The following KCNAB1 variants were observed in gnomAD, a reference collection of about 807,000 sequenced individuals.
KCNAB1 encodes the protein voltage-gated potassium channel subunit beta-1.
A neutral mutation model predicts 64.6 loss-of-function variants in KCNAB1; 35 were observed. The ratio of observed to expected loss-of-function variants is 0.54; its 90% CI spans 0.41 to 0.72. KCNAB1 has a LOEUF of 0.72. Ranked by LOEUF, KCNAB1 falls within the 30% of genes least tolerant of loss-of-function variation. KCNAB1 has a pLI of 0.00. For missense variants in KCNAB1, 401 were observed against 512.9 expected (o/e 0.78, Z 2.11); for synonymous variants, 177 against 183.8 (o/e 0.96, Z 0.30).
intron 1 of KCNAB1, among the ~76,000 whole-genome samples, chr3:156,172,316 G>A (rs986508047): frequency 7.8e-6 from 1 of 128,488 alleles, no homozygotes; most frequent in African/African-American, 2.9e-5. Context: ...GTCTTGCTTT[G>A]TTGCCCAGGC....
Position 156,448,880 on chromosome 3 carries a change from C to A in KCNAB1, c.320-4019C>A, listed in dbSNP as rs183180373. On this transcript the variant is annotated intron_variant, in intron 2 of 13. Transcript: ENST00000490337. Reference sequence around the variant, plus strand: ...ATTCAATTTAACCAACACTTACTGACCATGTACTAAGAACCCACTTCTATT... The same window carrying A: ...ATTCAATTTAACCAACACTTACTGAACATGTACTAAGAACCCACTTCTATT... 2.4e-3 allele frequency among the ~76,000 whole-genome samples: 369 copies of A among 152,212 alleles called. 1 individual carries two copies. Among genetic ancestry groups the A allele is most frequent in the African/African-American group, 8.4e-3 (347 of 41,528 alleles).
At chr3:156,527,817 G>A (rs539875054) in intron 12 of KCNAB1, among the ~76,000 whole-genome samples, 76 of 152,256 alleles carry the variant, frequency 5.0e-4, no homozygotes, top group Non-Finnish European at 9.4e-4. Flanking sequence ...GGGATCCTCC[G>A]GCAGAAAGCA....
At chr3:156,304,263 A>G (rs956702628) in intron 1 of KCNAB1, among the ~76,000 whole-genome samples, 1 of 152,242 alleles carries the variant, frequency 6.6e-6, no homozygotes, top group Non-Finnish European at 1.5e-5. Context: ...ATTCTTTGCC[A>G]GTAAAATCAT....
upstream of KCNAB1, among the ~76,000 whole-genome samples, chr3:156,119,985 G>A (rs1468169880): frequency 1.3e-5 from 2 of 152,106 alleles, no homozygotes; most frequent in African/African-American, 4.8e-5. Context: ...TTACTGAATC[G>A]GTTATGAGGG....
At chr3:156,411,054 T>C (rs1457919783) in intron 1 of KCNAB1, among the ~76,000 whole-genome samples, 2 of 152,250 alleles carry the variant, frequency 1.3e-5, no homozygotes, top group Non-Finnish European at 2.9e-5. Context: ...CCATTTTGCA[T>C]ATCAACTAGC....
At chr3:156,393,848 A>G (rs1429822476) in intron 1 of KCNAB1, among the ~76,000 whole-genome samples, 1 of 152,250 alleles carries the variant, frequency 6.6e-6, no homozygotes, top group East Asian at 1.9e-4. Flanking sequence ...CCTGTCTTAA[A>G]TTGCCAAGCT....
At chr3:156,232,023 G>A (rs147629927) in intron 1 of KCNAB1, among the ~76,000 whole-genome samples, 25 of 152,116 alleles carry the variant, frequency 1.6e-4, no homozygotes, top group African/African-American at 3.4e-4. Flanking sequence ...TTGACTCTTC[G>A]TCAACATTAA....
chr3:156,468,203 C>A (rs183608090), intron 7 of KCNAB1, among the ~76,000 whole-genome samples: 7 of 152,080 alleles, frequency 4.6e-5, no homozygotes, highest in Non-Finnish European at 8.8e-5. Context: ...AACAAGACTA[C>A]GTTGAAATAT....
At chr3:156,328,273 C>T (rs1183400038) in intron 1 of KCNAB1, among the ~76,000 whole-genome samples, 4 of 152,048 alleles carry the variant, frequency 2.6e-5, no homozygotes, top group African/African-American at 7.2e-5. Context: ...AGAGTTTGGG[C>T]TCTATTCTAC....
chr3:156,422,439 A>G (rs904567075), intron 2 of KCNAB1, among the ~76,000 whole-genome samples: 2 of 152,190 alleles, frequency 1.3e-5, no homozygotes, highest in African/African-American at 2.4e-5. Flanking sequence ...TCAAGGTAAA[A>G]CCTGAAAGAT....
intron 1 of KCNAB1, among the ~76,000 whole-genome samples, chr3:156,137,929 G>T (rs552193288): frequency 3.9e-5 from 6 of 152,124 alleles, no homozygotes; most frequent in South Asian, 4.2e-4. Flanking sequence ...TTGTCTCAGG[G>T]TATCTTCTCT....
intron 1 of KCNAB1, among the ~76,000 whole-genome samples, chr3:156,124,560 T>C (rs1713538735): frequency 6.6e-6 from 1 of 152,102 alleles, no homozygotes; most frequent in South Asian, 2.1e-4. Context: ...GAATGTATTA[T>C]ATATGTGTAT....
At chr3:156,139,042 G>A (rs564199627) in intron 1 of KCNAB1, among the ~76,000 whole-genome samples, 10 of 152,290 alleles carry the variant, frequency 6.6e-5, no homozygotes, top group Non-Finnish European at 7.3e-5. Flanking sequence ...GAAAATCATC[G>A]TTCCTGAGAC....
chr3:156,284,893 T>C (rs1456896828), intron 1 of KCNAB1, among the ~76,000 whole-genome samples: 1 of 152,166 alleles, frequency 6.6e-6, no homozygotes, highest in Non-Finnish European at 1.5e-5. Context: ...ATGAACCCGG[T>C]ACCTCAGATG....
chr3:156,249,998 T>A (rs559925053), intron 1 of KCNAB1, among the ~76,000 whole-genome samples: 89 of 152,324 alleles, frequency 5.8e-4, no homozygotes, highest in African/African-American at 2.1e-3. Flanking sequence ...GGAAACTGAT[T>A]GGAGTGATTG....
chr3:156,283,137 A>G (rs1406944354), intron 1 of KCNAB1, among the ~76,000 whole-genome samples: 1 of 151,810 alleles, frequency 6.6e-6, no homozygotes, highest in Non-Finnish European at 1.5e-5. Flanking sequence ...TGCTTCCTTC[A>G]GGAGCTCTTG....
chr3:156,327,098 A>G (rs190151447), intron 1 of KCNAB1, among the ~76,000 whole-genome samples: 129 of 152,328 alleles, frequency 8.5e-4, no homozygotes, highest in African/African-American at 2.9e-3. Flanking sequence ...AAATCTGGTT[A>G]AGGCAAACGT....
intron 1 of KCNAB1, among the ~76,000 whole-genome samples, chr3:156,333,319 AACACAC>A (rs10641743): frequency 1.4e-5 from 2 of 143,302 alleles, no homozygotes; most frequent in South Asian, 2.3e-4. Flanking sequence ...CGCACATAGA[AACACAC>A]ACACACACAC....
intron 1 of KCNAB1, among the ~76,000 whole-genome samples, chr3:156,203,463 A>G (rs1358442437): frequency 6.6e-6 from 1 of 152,260 alleles, no homozygotes; most frequent in Non-Finnish European, 1.5e-5. Context: ...GATGCTGGGC[A>G]ACATACTTAA....
Sources: gnomAD v4.1 joint callset for allele counts (sites outside exome capture counted in the v4.1 genomes callset) on GRCh38, gnomAD v4.1.1 for gene constraint, MANE v1.5 for transcripts, NCBI Gene and HGNC (gene_info 2026-07-23, HGNC 2026-07-21) for gene names.